Variants in NPM3 observed in about 807,000 individuals in gnomAD.
The protein encoded by NPM3 is nucleophosmin/nucleoplasmin 3.
A neutral mutation model predicts 18.1 loss-of-function variants in NPM3; 12 were observed. The observed-to-expected ratio is 0.66, with a 90% CI of 0.42 to 1.07. The LOEUF (loss-of-function observed/expected upper bound fraction) is 1.07, where lower values mean the gene tolerates loss of function less well. NPM3 is among the 50% of genes least tolerant of loss of function. The pLI, the probability that NPM3 is intolerant of heterozygous loss-of-function variation, is 0.00. For synonymous variants in NPM3, 116 were observed against 93.7 expected (o/e 1.24, Z -1.38); for missense variants, 274 against 232.1 (o/e 1.18, Z -1.17).
At chr10:101,781,576 T>C in exon 6 of NPM3, 1 of 313,198 alleles carries the variant, frequency 3.2e-6, no homozygotes, top group Non-Finnish European at 5.5e-6. Flanking sequence ...ATATTTACAA[T>C]TGTTGAAACT....
upstream of NPM3, chr10:101,783,438 G>C: frequency 7.0e-7 from 1 of 1,429,492 alleles, no homozygotes; most frequent in Non-Finnish European, 9.5e-7. Context: ...CACAAAGCCG[G>C]GGACCCTCGG....
chr10:101,782,209 A>G, intron 4 of NPM3, 49 bp downstream of exon 4: 1 of 1,512,076 alleles, frequency 6.6e-7, no homozygotes, highest in Non-Finnish European at 9.1e-7. Context: ...GGGAAGCCTG[A>G]TGGGAGAGTC....
At chr10:101,782,487 G>A in exon 3 of NPM3, 2 of 1,611,790 alleles carry the variant, frequency 1.2e-6, no homozygotes, top group Non-Finnish European at 1.7e-6. Context: ...CCATGGGTTG[G>A]CAGGACAGCT....
chr10:101,782,614 G>T lies in NPM3; in HGVS notation c.205-17C>A. Reference sequence around the variant, plus strand: ...GAGGCAGAGCTGGGAACGGTACACAGGGCCTCAGGGTCTCCTCAAGTGAGG... The same window carrying T: ...GAGGCAGAGCTGGGAACGGTACACATGGCCTCAGGGTCTCCTCAAGTGAGG... On this transcript the variant is annotated splice_polypyrimidine_tract_variant and intron_variant, in intron 2 of 5. Coordinates refer to ENST00000370110, the Ensembl canonical transcript of NPM3. 6.2e-7 allele frequency: 1 copy of T among 1,613,240 alleles called. No individual in the cohort carries two copies. The highest frequency in any genetic ancestry group is 8.5e-7 in the Non-Finnish European group (1 of 1,179,926).
At chr10:101,781,990 AC>A in intron 4 of NPM3, 136 bp from the exon 5 acceptor site, 1 of 1,450,800 alleles carries the variant, frequency 6.9e-7, no homozygotes. Flanking sequence ...GGTGGGAAGA[AC>A]CTCAGACCCT....
At chr10:101,783,380 C>G in exon 1 of NPM3, 1 of 1,608,664 alleles carries the variant, frequency 6.2e-7, no homozygotes, top group Non-Finnish European at 8.5e-7. Flanking sequence ...AGCTGCAGTA[C>G]CGGCGGCCAT....
chr10:101,783,176 C>T, intron 1 of NPM3, 97 bp downstream of exon 1: 2 of 997,924 alleles, frequency 2.0e-6, no homozygotes, highest in Non-Finnish European at 3.0e-6. Flanking sequence ...AGCAGCCCTC[C>T]GCCCACACCC....
intron 2 of NPM3, 110 bp from the exon 3 acceptor site, chr10:101,782,707 C>G: frequency 6.3e-7 from 1 of 1,583,444 alleles, no homozygotes; most frequent in South Asian, 1.1e-5. Context: ...GTTCACCTGG[C>G]CAGGGGAGCC....
At chr10:101,783,098 C>A (rs919153397) in intron 1 of NPM3, among the ~76,000 whole-genome samples, 174 bp from the exon 2 acceptor site, 1 of 152,042 alleles carries the variant, frequency 6.6e-6, no homozygotes, top group African/African-American at 2.4e-5. Context: ...CCCAACACAT[C>A]TGGGGCAGGG....
At chr10:101,781,781 C>T (rs900110917) in exon 5 of NPM3, 3 of 1,614,226 alleles carry the variant, frequency 1.9e-6, no homozygotes, top group Non-Finnish European at 2.5e-6. Flanking sequence ...TGGGGCACAG[C>T]TCAACTTCTT....
At chr10:101,781,988 G>GA (rs1332530004) in intron 4 of NPM3, 134 bp from the exon 5 acceptor site, 1 of 1,470,670 alleles carries the variant, frequency 6.8e-7, no homozygotes, top group African/African-American at 1.4e-5. Context: ...TAGGTGGGAA[G>GA]AACCTCAGAC....
intron 1 of NPM3, 94 bp downstream of exon 1, chr10:101,783,179 C>T: frequency 9.8e-7 from 1 of 1,019,666 alleles, no homozygotes. Flanking sequence ...AGCCCTCCGC[C>T]CACACCCACG....
At chr10:101,782,530 T>G in exon 3 of NPM3, 1 of 1,613,956 alleles carries the variant, frequency 6.2e-7, no homozygotes, top group Non-Finnish European at 8.5e-7. Context: ...GATCTCCTGA[T>G]GGTCATGGTT....
At chr10:101,783,252 A>G (rs746343479) in intron 1 of NPM3, 21 bp downstream of exon 1, 8 of 1,543,632 alleles carry the variant, frequency 5.2e-6, no homozygotes, top group Non-Finnish European at 7.1e-6. Flanking sequence ...TACCACCCTC[A>G]GCCTCTCCCT....
At chr10:101,781,851 G>C (rs2065143287) in exon 5 of NPM3, 3 of 1,613,968 alleles carry the variant, frequency 1.9e-6, no homozygotes, top group African/African-American at 2.7e-5. Context: ...ATTGCTCATC[G>C]TAACTGGTGG....
chr10:101,782,356 G>A lies in NPM3; in HGVS notation c.325-5C>T. On this transcript the variant is annotated splice_polypyrimidine_tract_variant and splice_region_variant and intron_variant, in intron 3 of 5. Transcript: ENST00000370110. ...CTGGAAGTCATCCAGACTGAGCTGG[G>A]AGGAAGACAAGGATGAAGGCCTGGC... 6.2e-7 allele frequency: 1 copy of A among 1,613,590 alleles called. No individual in the cohort carries two copies. Among genetic ancestry groups the A allele is most frequent in the Non-Finnish European group, 8.5e-7 (1 of 1,179,802 alleles).
Position 101,782,610 on chromosome 10 carries a change from C to A in NPM3, c.205-13G>T, listed in dbSNP as rs1564635698. On this transcript the variant is annotated splice_polypyrimidine_tract_variant and intron_variant, in intron 2 of 5. Transcript: ENST00000370110. ...CGGTGAGGCAGAGCTGGGAACGGTA[C>A]ACAGGGCCTCAGGGTCTCCTCAAGT... 6.2e-7 allele frequency: 1 copy of A among 1,613,450 alleles called. No homozygotes were observed. Among genetic ancestry groups the A allele is most frequent in the East Asian group, 2.2e-5 (1 of 44,872 alleles).
chr10:101,783,219 A>C, intron 1 of NPM3, 54 bp downstream of exon 1: 1 of 1,321,016 alleles, frequency 7.6e-7, no homozygotes, highest in East Asian at 2.3e-5. Flanking sequence ...CCCGCCTCAC[A>C]TCCCTACCTC....
At chr10:101,782,671 G>A in intron 2 of NPM3, 74 bp from the exon 3 acceptor site, 15 of 1,604,308 alleles carry the variant, frequency 9.3e-6, no homozygotes, top group Non-Finnish European at 1.3e-5. Flanking sequence ...ATCTACCCTA[G>A]CACCTGCCCA....
Sources: gnomAD v4.1 joint callset for allele counts (sites outside exome capture counted in the v4.1 genomes callset) on GRCh38, gnomAD v4.1.1 for gene constraint, MANE v1.5 for transcripts, NCBI Gene and HGNC (gene_info 2026-07-23, HGNC 2026-07-21) for gene names.